The following MBNL2 variants were observed in gnomAD, a reference collection of about 807,000 sequenced individuals.
The protein encoded by MBNL2 is muscleblind-like protein 2.
Under a neutral mutation model 41.9 loss-of-function variants are expected in MBNL2, and 17 were observed. The observed-to-expected ratio is 0.41, with a 90% CI of 0.28 to 0.61. The LOEUF (loss-of-function observed/expected upper bound fraction) is 0.61. Ranked by LOEUF, MBNL2 falls within the 20% of genes least tolerant of loss-of-function variation. The probability of loss-of-function intolerance (pLI) is 0.35; values close to 1 mark genes in which losing one functional copy is unlikely to be tolerated. For synonymous variants in MBNL2, 195 were observed against 182.9 expected, an observed-to-expected ratio of 1.07 and a Z score of -0.53; for missense variants, 336 against 505.6, an observed-to-expected ratio of 0.66 and a Z score of 3.22.
rs143547827 is a variant in MBNL2 at position 97,279,706 on chromosome 13, A to C, written c.174+3297A>C. 9.8e-5 allele frequency among the ~76,000 whole-genome samples: 15 copies of C among 152,346 alleles called. 2 individuals carry two copies. The East Asian group carries it at 2.9e-3, about 29-fold the overall frequency. ...CTGCGAAAGGAATCTATGTTGGCCT[A>C]TCAGTATGGGGACAAGTCAATCTGA... On this transcript the variant is annotated intron_variant, in intron 2 of 8. Coordinates refer to ENST00000679496, the MANE Select transcript of MBNL2 (RefSeq NM_001382683.1).
chr13:97,310,287 T>C (rs373251857), intron 2 of MBNL2, among the ~76,000 whole-genome samples: 2 of 152,190 alleles, frequency 1.3e-5, no homozygotes, highest in South Asian at 2.1e-4. Flanking sequence ...TGGATCATCT[T>C]AGAGATTCCA....
intron 1 of MBNL2, among the ~76,000 whole-genome samples, chr13:97,257,103 G>A (rs1306748174): frequency 6.6e-6 from 1 of 151,978 alleles, no homozygotes; most frequent in Non-Finnish European, 1.5e-5. Context: ...AGCATGAATA[G>A]GTAACCCTGT....
chr13:97,317,217 ACT>A (rs1417137322), intron 2 of MBNL2, among the ~76,000 whole-genome samples: 1 of 152,068 alleles, frequency 6.6e-6, no homozygotes, highest in Non-Finnish European at 1.5e-5. Context: ...TATAAGTGTC[ACT>A]CTGTTCCAGG....
Position 97,246,848 on chromosome 13 carries a change from G to A in MBNL2, c.-605+24317G>A, listed in dbSNP as rs376548136. 5.9e-5 allele frequency among the ~76,000 whole-genome samples: 9 copies of A among 152,182 alleles called. No individual in the cohort carries two copies. The East Asian group carries it at 1.5e-3, about 26-fold the overall frequency. On this transcript the variant is annotated intron_variant, in intron 1 of 8. Transcript: ENST00000679496. ...TGAGCTGGTTACAGTCAGCTTTATCGCCAAGCCAGTAGATTTTCTTAATAT... is the reference window on the plus strand; with the variant it reads ...TGAGCTGGTTACAGTCAGCTTTATCACCAAGCCAGTAGATTTTCTTAATAT...
intron 1 of MBNL2, among the ~76,000 whole-genome samples, chr13:97,272,872 T>C (rs985516792): frequency 3.3e-5 from 5 of 152,136 alleles, no homozygotes; most frequent in Non-Finnish European, 4.4e-5. Context: ...CTTGGTAGAG[T>C]CTGATCATCT....
intron 1 of MBNL2, among the ~76,000 whole-genome samples, chr13:97,234,440 A>T (rs1303337804): frequency 6.6e-6 from 1 of 152,154 alleles, no homozygotes; most frequent in African/African-American, 2.4e-5. Context: ...CTGTGATAAG[A>T]GAAAGAGGTG....
chr13:97,193,003 G>A, the MBNL2 span, among the ~76,000 whole-genome samples: 1 of 152,226 alleles, frequency 6.6e-6, no homozygotes, highest in South Asian at 2.1e-4. Context: ...TGATAGCTTT[G>A]TCCAAGCTGC....
At position 97,357,491 on chromosome 13, in the gene MBNL2, C is replaced by T; in HGVS notation, c.868C>T (p.Pro290Ser). 1 of 1,614,044 alleles carries T rather than the reference C, an allele frequency of 6.2e-7. No homozygotes were observed. Among genetic ancestry groups the T allele is most frequent in the Non-Finnish European group, 8.5e-7 (1 of 1,179,970 alleles). Residue 290 changes from proline (P) to serine (S), a missense_variant, in exon 7 of 9, where the codon CCT (proline) becomes TCT (serine). By Grantham distance (74) the Pro-to-Ser change is moderately conservative (BLOSUM62 -1). Transcript: ENST00000679496. ...AATTCTTCATTTCTAGGCCTTTCCC[C>T]CTGGTGCTCTTCATCCTTTACCAAA... ...LEATVDLAFP[P>S]GALHPLPKRQ...
intron 2 of MBNL2, among the ~76,000 whole-genome samples, chr13:97,316,903 T>C (rs74726625): frequency 3.7e-4 from 56 of 152,284 alleles, no homozygotes; most frequent in African/African-American, 1.3e-3. Flanking sequence ...TTTGTGAGTT[T>C]TGTTGTTGAT....
Position 97,249,968 on chromosome 13 carries a change from G to T in MBNL2, c.-604-25664G>T, listed in dbSNP as rs765413259. Among the ~76,000 whole-genome samples, 4 of 152,176 alleles carry T rather than the reference G, an allele frequency of 2.6e-5. No individual in the cohort carries two copies. In the East Asian group the frequency reaches 7.7e-4, roughly 29 times the overall value. ...CTTCCTTTGTCTTTGTGATTGCTAC[G>T]AGGTTCCAGCTTGGCAAAGCTTTTT... On this transcript the variant is annotated intron_variant, in intron 1 of 8. Transcript: ENST00000679496.
the MBNL2 span, among the ~76,000 whole-genome samples, chr13:97,184,525 G>T: frequency 1.3e-5 from 2 of 152,020 alleles, no homozygotes; most frequent in Non-Finnish European, 2.9e-5. Flanking sequence ...AAGCATCAGT[G>T]ACTATCCGAT....
upstream of MBNL2, chr13:97,222,182 T>C: frequency 2.6e-6 from 1 of 378,010 alleles, no homozygotes; most frequent in Non-Finnish European, 4.7e-6. Context: ...TGCACTGTTT[T>C]TACACACTGC....
chr13:97,305,763 C>T (rs563804801), intron 2 of MBNL2, among the ~76,000 whole-genome samples: 5 of 130,936 alleles, frequency 3.8e-5, no homozygotes, highest in South Asian at 5.3e-4. Context: ...AGGGAGACCC[C>T]GTCTCAAAAC....
At chr13:97,304,004 T>A (rs1016664748) in intron 2 of MBNL2, among the ~76,000 whole-genome samples, 1 of 152,222 alleles carries the variant, frequency 6.6e-6, no homozygotes, top group Non-Finnish European at 1.5e-5. Context: ...AGTGACACTG[T>A]TGTGGCCTGA....
chr13:97,320,638 G>A (rs111924121), intron 2 of MBNL2, among the ~76,000 whole-genome samples: 17 of 152,038 alleles, frequency 1.1e-4, no homozygotes, highest in African/African-American at 1.7e-4. Context: ...CTTCGGCCAC[G>A]CAGGGTGGCT....
chr13:97,345,218 A>G (rs1225020556), intron 4 of MBNL2, among the ~76,000 whole-genome samples: 1 of 152,200 alleles, frequency 6.6e-6, no homozygotes. Context: ...GGGGCCCTTC[A>G]TATAACATCA....
intron 2 of MBNL2, among the ~76,000 whole-genome samples, chr13:97,304,046 T>C (rs72637459): frequency 3.9e-5 from 6 of 152,330 alleles, no homozygotes; most frequent in Non-Finnish European, 5.9e-5. Context: ...TAGCCCACTT[T>C]CAGGAAGTAA....
At chr13:97,299,912 G>C (rs1214061492) in intron 2 of MBNL2, among the ~76,000 whole-genome samples, 1 of 152,122 alleles carries the variant, frequency 6.6e-6, no homozygotes, top group Admixed American at 6.5e-5. Context: ...TAACCATATG[G>C]CCTAAACCAG....
intron 8 of MBNL2, among the ~76,000 whole-genome samples, chr13:97,382,471 A>G (rs2065542560): frequency 6.6e-6 from 1 of 152,194 alleles, no homozygotes; most frequent in Non-Finnish European, 1.5e-5. Flanking sequence ...TGGAGGCGCC[A>G]TAATCCCTGG....
Sources: gnomAD v4.1 joint callset for allele counts (sites outside exome capture counted in the v4.1 genomes callset) on GRCh38, gnomAD v4.1.1 for gene constraint, MANE v1.5 for transcripts, NCBI Gene and HGNC (gene_info 2026-07-23, HGNC 2026-07-21) for gene names.